The following OR2J3 variants were observed in gnomAD, a reference collection of about 807,000 sequenced individuals.
OR2J3 encodes olfactory receptor 2J3.
A neutral mutation model predicts 18.5 loss-of-function variants in OR2J3; 13 were observed. The ratio of observed to expected loss-of-function variants is 0.70; its 90% CI spans 0.46 to 1.12. OR2J3 has a LOEUF of 1.12. Ranked by LOEUF, OR2J3 falls within the 50% of genes most tolerant of loss-of-function variation. The pLI is 0.00. For synonymous variants in OR2J3, 142 were observed against 140.6 expected (o/e 1.01, Z -0.07); for missense variants, 321 against 371.6 (o/e 0.86, Z 1.12).
At chr6:29,111,151 A>G (rs1762112726) in intron 3 of OR2J3, among the ~76,000 whole-genome samples, 1 of 152,160 alleles carries the variant, frequency 6.6e-6, no homozygotes, top group Non-Finnish European at 1.5e-5. Flanking sequence ...AGGATTGTAC[A>G]CTGAGAAATC....
At chr6:29,111,813 G>A in intron 3 of OR2J3, 68 bp from the exon 4 acceptor site, 2 of 1,430,446 alleles carry the variant, frequency 1.4e-6, no homozygotes, top group Non-Finnish European at 1.9e-6. Context: ...TTTTATTCAT[G>A]TGTGCTGATA....
At chr6:29,110,077 C>A (rs1036935097) in intron 3 of OR2J3, among the ~76,000 whole-genome samples, 3 of 152,206 alleles carry the variant, frequency 2.0e-5, no homozygotes, top group Non-Finnish European at 2.9e-5. Flanking sequence ...CTGCCCCTCC[C>A]ACTTTTCCTT....
At chr6:29,109,939 A>T (rs1032232880) in intron 3 of OR2J3, among the ~76,000 whole-genome samples, 14 of 152,158 alleles carry the variant, frequency 9.2e-5, no homozygotes, top group Non-Finnish European at 2.1e-4. Flanking sequence ...TATACTATCT[A>T]AATTATTGTC....
At chr6:29,110,306 T>C (rs1196218249) in intron 3 of OR2J3, among the ~76,000 whole-genome samples, 1 of 152,224 alleles carries the variant, frequency 6.6e-6, no homozygotes, top group African/African-American at 2.4e-5. Context: ...AAATACATTT[T>C]GAGTCCAAGT....
At position 29,112,723 on chromosome 6, in the gene OR2J3, C is replaced by A. The variant is rs764537958; in HGVS notation, c.833C>A (p.Ala278Asp). The A allele has an allele frequency of 1.2e-6, 2 of 1,613,894 alleles. No individual in the cohort carries two copies. Among genetic ancestry groups the A allele is most frequent in the African/African-American group, 1.3e-5 (1 of 74,876 alleles). Reference sequence around the variant, plus strand: ...TCTCAAGATCAAGGCAAGTTCATTGCCCTCTTTTATACTGTTGTCACACCT... The same window carrying A: ...TCTCAAGATCAAGGCAAGTTCATTGACCTCTTTTATACTGTTGTCACACCT... ...GNSQDQGKFI[A>D]LFYTVVTPSL... Residue 278 changes from alanine to aspartate, a missense_variant, in exon 4 of 4, where the codon GCC (alanine) becomes GAC (aspartate). Transcript: ENST00000641151.
At position 29,108,249 on chromosome 6, in the gene OR2J3, G is replaced by T. The variant is rs898692977; in HGVS notation, c.-227G>T. The T allele has an allele frequency of 6.6e-6, 1 of 152,186 alleles. No homozygotes were observed. The highest frequency in any genetic ancestry group is 2.4e-5 in the African/African-American group (1 of 41,430). The allele number at this position is 152,186 out of a possible 1,614,324, so 9.4% of individuals were successfully genotyped here. A position where few individuals can be genotyped will look rare whatever the true frequency, so the allele number is the denominator to read the frequency against. ...TATACAGGGAATGTGGACAGATACA[G>T]GAAGGACAGAGTGAAAGGCATTGTT... On this transcript the variant is annotated 5_prime_UTR_variant, in exon 1 of 4. In the 5' UTR this introduces an upstream ATG that the reference lacks. Transcript: ENST00000641151.
At position 29,112,932 on chromosome 6, in the gene OR2J3, C is replaced by G. The variant is rs1213867198; in HGVS notation, c.*106C>G. 7.4e-7 allele frequency: 1 copy of G among 1,358,284 alleles called. No homozygotes were observed. The highest frequency in any genetic ancestry group is 9.8e-7 in the Non-Finnish European group (1 of 1,021,964). 84.1% of individuals were successfully genotyped at this position (1,358,284 alleles called of 1,614,324 possible). On this transcript the variant is annotated 3_prime_UTR_variant, in exon 4 of 4. Transcript: ENST00000641151. Reference sequence around the variant, plus strand: ...CTTTTATTCACTCACTCTGTTAGCACTTGCTGAGCATGTACTCTAACAAGG... The same window carrying G: ...CTTTTATTCACTCACTCTGTTAGCAGTTGCTGAGCATGTACTCTAACAAGG...
Position 29,112,408 on chromosome 6 carries a change from G to T in OR2J3, c.518G>T (p.Gly173Val). ...TTCACCTTCTGGGTACCTCTGTGTG[G>T]ACACCGCCAAGTAGATCACTTTTTC... ...SSFTFWVPLC[G>V]HRQVDHFFCE... The change falls in exon 4 of 4, where the codon GGA (glycine) becomes GTA (valine). Residue 173 changes from glycine to valine, a missense_variant. By Grantham distance (109) the Gly-to-Val change is moderately radical. Coordinates refer to ENST00000641151, the MANE Select transcript of OR2J3 (RefSeq NM_001005216.4). The T allele has an allele frequency of 1.2e-6, 2 of 1,614,058 alleles. No homozygotes were observed. The highest frequency in any genetic ancestry group is 1.7e-6 in the Non-Finnish European group (2 of 1,180,016).
intron 3 of OR2J3, 133 bp from the exon 4 acceptor site, chr6:29,111,748 T>C (rs1762131992): frequency 2.8e-6 from 2 of 720,774 alleles, no homozygotes; most frequent in Admixed American, 2.9e-5. Flanking sequence ...TTACTACTAA[T>C]GGTTAAATTG....
In OR2J3 at chr6:29,108,208, TC is replaced by T. The variant is rs1363837579; in HGVS notation, c.-267del. On this transcript the variant is annotated 5_prime_UTR_variant, in exon 1 of 4. It introduces an in-frame stop codon into an upstream open reading frame of the 5' UTR. Transcript: ENST00000641151. ...GATCAGTCTGTGCATGATGAGGGCATCAGCTAGGAAGACAATATACAGGGAA... is the reference window on the plus strand; with the variant it reads ...GATCAGTCTGTGCATGATGAGGGCATAGCTAGGAAGACAATATACAGGGAA... 7.2e-5 allele frequency: 11 copies of T among 152,258 alleles called. No individual in the cohort carries two copies. The highest frequency in any genetic ancestry group is 6.5e-4 in the Admixed American group (10 of 15,290). 9.4% of individuals were successfully genotyped at this position (152,258 alleles called of 1,614,324 possible). A position where few individuals can be genotyped will look rare whatever the true frequency, so the allele number is the denominator to read the frequency against.
At chr6:29,109,227 A>G (rs376984854) in intron 3 of OR2J3, among the ~76,000 whole-genome samples, 1 of 152,230 alleles carries the variant, frequency 6.6e-6, no homozygotes, top group East Asian at 1.9e-4. Context: ...TGATTCAGCT[A>G]TAGCTTTTAA....
intron 3 of OR2J3, among the ~76,000 whole-genome samples, chr6:29,109,945 T>C (rs1037354076): frequency 2.0e-5 from 3 of 152,206 alleles, no homozygotes; most frequent in African/African-American, 4.8e-5. Flanking sequence ...ATCTAAATTA[T>C]TGTCCTGGAG....
chr6:29,112,571 T>C lies in OR2J3; in HGVS notation c.681T>C (p.Ala227=). The change falls in exon 4 of 4, where the codon GCT becomes GCC. Residue 227 remains alanine, a synonymous_variant. Coordinates refer to ENST00000641151, the MANE Select transcript of OR2J3 (RefSeq NM_001005216.4). ...CTTCTTATGGTGCCATCGTCCGAGCTATACTGAGGATGCAGTCAACCACTG... is the reference window on the plus strand; with the variant it reads ...CTTCTTATGGTGCCATCGTCCGAGCCATACTGAGGATGCAGTCAACCACTG... ...ILTSYGAIVR[A]ILRMQSTTGL... The C allele has an allele frequency of 6.2e-7, 1 of 1,614,096 alleles. No individual in the cohort carries two copies. Among genetic ancestry groups the C allele is most frequent in the African/African-American group, 1.3e-5 (1 of 75,050 alleles).
rs375658766 is a variant in OR2J3 at position 29,113,974 on chromosome 6, G to A, written c.*1148G>A. On this transcript the variant is annotated 3_prime_UTR_variant, in exon 4 of 4. Coordinates refer to ENST00000641151, the MANE Select transcript of OR2J3 (RefSeq NM_001005216.4). Reference sequence around the variant, plus strand: ...AAAGGAGAATTCAGTATAAAGTAACGTACTTGCAATGCCTGAGTTTTCTCT... The same window carrying A: ...AAAGGAGAATTCAGTATAAAGTAACATACTTGCAATGCCTGAGTTTTCTCT... 15 of 152,142 alleles carry A rather than the reference G, an allele frequency of 9.9e-5. No homozygotes were observed. Among genetic ancestry groups the A allele is most frequent in the African/African-American group, 3.1e-4 (13 of 41,444 alleles). The allele number at this position is 152,142 out of a possible 1,614,324, so 9.4% of individuals were successfully genotyped here. A position where few individuals can be genotyped will look rare whatever the true frequency, so the allele number is the denominator to read the frequency against.
intron 3 of OR2J3, among the ~76,000 whole-genome samples, chr6:29,109,092 A>ATG (rs749512165): frequency 1.2e-4 from 18 of 152,150 alleles, no homozygotes; most frequent in Non-Finnish European, 1.9e-4. Flanking sequence ...ATTTCTCATG[A>ATG]TGTATTATCT....
chr6:29,110,114 T>A (rs1213922847), intron 3 of OR2J3, among the ~76,000 whole-genome samples: 1 of 152,216 alleles, frequency 6.6e-6, no homozygotes, highest in East Asian at 1.9e-4. Flanking sequence ...ACTGAATTTT[T>A]ATCTTCCTTT....
chr6:29,112,057 C>T lies in OR2J3; in HGVS notation c.167C>T (p.Ser56Phe), dbSNP rs1374320786. 5.0e-6 allele frequency: 8 copies of T among 1,614,116 alleles called. No individual in the cohort carries two copies. Among genetic ancestry groups the T allele is most frequent in the Non-Finnish European group, 5.9e-6 (7 of 1,180,030 alleles). The change falls in exon 4 of 4, where the codon TCC (serine) becomes TTC (phenylalanine). Residue 56 changes from serine (S) to phenylalanine (F), a missense_variant. Ser to Phe is a radical substitution (Grantham distance 155). Transcript: ENST00000641151. ...ATCATCATCCTGTCATACCTGGACT[C>T]CCATCTGCACACACCAATGTACTTC... ...LFIIILSYLD[S>F]HLHTPMYFFL... is the part of the protein sequence containing the mutation.
At chr6:29,108,487 G>A (rs578149501) in intron 1 of OR2J3, 50 bp from the exon 2 acceptor site, 71 of 152,138 alleles carry the variant, frequency 4.7e-4, no homozygotes, top group African/African-American at 1.7e-3. Context: ...ATGCATTTAT[G>A]GGGTACATGA....
At position 29,112,586 on chromosome 6, in the gene OR2J3, G is replaced by A. The variant is rs760109497; in HGVS notation, c.696G>A (p.Gln232=). 70 of 1,614,064 alleles carry A rather than the reference G, an allele frequency of 4.3e-5. No homozygotes were observed. The East Asian group carries it at 1.3e-3, about 31-fold the overall frequency. ...TCGTCCGAGCTATACTGAGGATGCA[G>A]TCAACCACTGGGCTTCAGAAAGTGT... ...GAIVRAILRM[Q]STTGLQKVFG... is the part of the protein sequence containing the mutation. Residue 232 remains glutamine (Q), a synonymous_variant, in exon 4 of 4, where the codon CAG becomes CAA. Coordinates refer to ENST00000641151, the MANE Select transcript of OR2J3 (RefSeq NM_001005216.4).
Sources: allele counts gnomAD v4.1 joint callset (sites outside exome capture counted in the v4.1 genomes callset), GRCh38; gene constraint gnomAD v4.1.1; transcripts MANE v1.5; gene names NCBI Gene and HGNC (gene_info 2026-07-23, HGNC 2026-07-21).